The following NUMA1 variants were observed in gnomAD, a reference collection of about 807,000 sequenced individuals.
The protein encoded by NUMA1 is SP-H antigen.
Under a neutral mutation model 237.1 loss-of-function variants are expected in NUMA1, and 62 were observed. The observed-to-expected ratio is 0.26, with a 90% CI of 0.21 to 0.32. The LOEUF is 0.32. Ranked by LOEUF, NUMA1 falls within the 10% of genes least tolerant of loss-of-function variation. The pLI is 1.00. For synonymous variants in NUMA1, 1,028 were observed against 1,066.1 expected (o/e 0.96, Z 0.70); for missense variants, 2,533 against 2,666.5 (o/e 0.95, Z 1.10).
chr11:72,038,664 C>T (rs1941320523), intron 2 of NUMA1, among the ~76,000 whole-genome samples: 1 of 151,976 alleles, frequency 6.6e-6, no homozygotes, highest in Non-Finnish European at 1.5e-5. Flanking sequence ...AAATCTGAGG[C>T]AGGCCCCACC....
At chr11:72,035,388 C>T (rs1382319172) in intron 3 of NUMA1, among the ~76,000 whole-genome samples, 1 of 151,010 alleles carries the variant, frequency 6.6e-6, no homozygotes, top group Non-Finnish European at 1.5e-5. Context: ...TCATTAAGGT[C>T]AGCATTTACC....
At chr11:72,052,720 T>C (rs1309172949) in intron 2 of NUMA1, among the ~76,000 whole-genome samples, 1 of 151,732 alleles carries the variant, frequency 6.6e-6, no homozygotes, top group African/African-American at 2.4e-5. Flanking sequence ...GCCGAGATCA[T>C]GCCACTGCAC....
intron 1 of NUMA1, among the ~76,000 whole-genome samples, chr11:72,079,646 C>A (rs1943951761): frequency 1.3e-5 from 2 of 151,748 alleles, no homozygotes. Flanking sequence ...AATCTTCACA[C>A]AGTCACACCA....
In NUMA1 at chr11:72,015,126, T is replaced by A. The variant is rs748505480; in HGVS notation, c.2377A>T (p.Met793Leu). Residue 793 changes from methionine (M) to leucine (L), a missense_variant, in exon 15 of 27, where the codon ATG becomes TTG. By Grantham distance (15) the Met-to-Leu change is conservative (BLOSUM62 2). This residue lies in a region of NUMA1 where 1,414 missense variants were observed against 1,508.1 expected (regional missense o/e 0.94). Coordinates refer to ENST00000393695, the MANE Select transcript of NUMA1 (RefSeq NM_006185.4). The surrounding 1 kb of genome is among the most constrained non-coding windows in gnomAD (Gnocchi z 4.0). ...EVLRRELAEAMAAQHTAESEC... is the reference protein window; with the variant it reads ...EVLRRELAEALAAQHTAESEC... ...CTCTCAGCTGTGTGCTGGGCAGCCA[T>A]GGCCTCTGCCAGCTCCCGCCGCAGG... 6.2e-7 allele frequency: 1 copy of A among 1,613,402 alleles called. No individual in the cohort carries two copies. The highest frequency in any genetic ancestry group is 1.3e-5 in the African/African-American group (1 of 74,956).
At chr11:72,039,027 A>T (rs1941368389) in intron 2 of NUMA1, among the ~76,000 whole-genome samples, 1 of 152,182 alleles carries the variant, frequency 6.6e-6, no homozygotes, top group African/African-American at 2.4e-5. Flanking sequence ...TCCCAAACTG[A>T]CACAATGCAG....
In NUMA1 at chr11:72,018,392, G is replaced by C; in HGVS notation, c.860+4C>G. On this transcript the variant is annotated splice_donor_region_variant and intron_variant, in intron 11 of 26. Transcript: ENST00000393695. ...CCTGGGAAGGAATGCAGGGAGAGCT[G>C]TACCTCTCATTCTTGTCACGCAGCT... 1.2e-6 allele frequency: 2 copies of C among 1,605,476 alleles called. No individual in the cohort carries two copies. Among genetic ancestry groups the C allele is most frequent in the Non-Finnish European group, 1.7e-6 (2 of 1,172,118 alleles).
intron 16 of NUMA1, 36 bp from the exon 17 acceptor site, chr11:72,010,890 G>T: frequency 6.3e-7 from 1 of 1,576,236 alleles, no homozygotes; most frequent in Middle Eastern, 1.7e-4. Context: ...GACTCAGGAG[G>T]ACTTCCCCTG....
intron 2 of NUMA1, among the ~76,000 whole-genome samples, chr11:72,058,885 G>A (rs529964451): frequency 6.6e-6 from 1 of 152,300 alleles, no homozygotes; most frequent in South Asian, 2.1e-4. Context: ...AGCACAGCTA[G>A]CTACCTTGTC....
chr11:72,003,814 A>C, intron 26 of NUMA1, 73 bp downstream of exon 26: 4 of 1,488,598 alleles, frequency 2.7e-6, no homozygotes, highest in Non-Finnish European at 3.7e-6. Flanking sequence ...CTTGGATGCT[A>C]CTTGGTGGGG....
intron 23 of NUMA1, 34 bp from the exon 24 acceptor site, chr11:72,004,850 A>G: frequency 2.6e-6 from 4 of 1,524,820 alleles, no homozygotes; most frequent in Non-Finnish European, 3.5e-6. Context: ...AGTGGACCAT[A>G]GCTGTATGGA....
chr11:72,025,575 C>G lies in NUMA1; in HGVS notation c.129-1222G>C, dbSNP rs116938588. On this transcript the variant is annotated intron_variant, in intron 4 of 26. Transcript: ENST00000393695. Reference sequence around the variant, plus strand: ...CCACTTCAAGTTAGAAAGCTGAATTCTCTAGGCTACAGTGGGAGATCCTGA... The same window carrying G: ...CCACTTCAAGTTAGAAAGCTGAATTGTCTAGGCTACAGTGGGAGATCCTGA... Among the ~76,000 whole-genome samples, 54 of 152,284 alleles carry G rather than the reference C, an allele frequency of 3.5e-4. No homozygotes were observed. The East Asian group carries it at 7.5e-3, about 21-fold the overall frequency.
chr11:72,044,070 C>T (rs924516234), intron 2 of NUMA1, among the ~76,000 whole-genome samples: 3 of 152,108 alleles, frequency 2.0e-5, no homozygotes, highest in Admixed American at 6.6e-5. Flanking sequence ...TTAAAAACTC[C>T]CTTAATGAAG....
rs942160406 is a variant in NUMA1 at position 72,029,305 on chromosome 11, G to C, written c.43-15C>G. 7 of 1,576,024 alleles carry C rather than the reference G, an allele frequency of 4.4e-6. No homozygotes were observed. The highest frequency in any genetic ancestry group is 2.3e-5 in the East Asian group (1 of 44,362). On this transcript the variant is annotated splice_polypyrimidine_tract_variant and intron_variant, in intron 3 of 26. Coordinates refer to ENST00000393695, the MANE Select transcript of NUMA1 (RefSeq NM_006185.4). The stretch of plus-strand genomic sequence containing the variant: ...AGACTGTTCACCTGTAAATCAAAGG[G>C]AACAGCCTAGTGAGACCGTTAGAAG...
rs764200586 is a variant in NUMA1 at position 72,014,364 on chromosome 11, T to C, written c.3139A>G (p.Thr1047Ala). ...ALNEQRVEFA[T>A]LQEALAHALT... ...GCATGAGCCAGTGCCTCTTGCAGGG[T>C]AGCGAACTCCACACGCTGCTCGTTG... Residue 1047 changes from threonine (T) to alanine (A), a missense_variant, in exon 15 of 27, where the codon ACC becomes GCC. Around this residue, in one of 3 missense-constraint regions of NUMA1, gnomAD observed 1,414 missense variants for 1,508.1 expected, o/e 0.94. Transcript: ENST00000393695. The surrounding 1 kb of genome is among the most constrained non-coding windows in gnomAD (Gnocchi z 4.6). The C allele has an allele frequency of 3.1e-6, 5 of 1,613,384 alleles. No homozygotes were observed. The highest frequency in any genetic ancestry group is 4.2e-6 in the Non-Finnish European group (5 of 1,180,030).
Position 72,018,809 on chromosome 11 carries a change from TGCCA to T in NUMA1, c.742+10_742+13del, listed in dbSNP as rs1241074219. Reference sequence around the variant, plus strand: ...AAGTCTATTCACACATCTGCCAGTGTGCCAGCCACCTACCCTTCTCGGTGAGGAG... The same window carrying T: ...AAGTCTATTCACACATCTGCCAGTGTGCCACCTACCCTTCTCGGTGAGGAG... On this transcript the variant is annotated intron_variant, in intron 10 of 26. Coordinates refer to ENST00000393695, the MANE Select transcript of NUMA1 (RefSeq NM_006185.4). The T allele has an allele frequency of 6.2e-7, 1 of 1,603,962 alleles. No individual in the cohort carries two copies. Among genetic ancestry groups the T allele is most frequent in the Non-Finnish European group, 8.5e-7 (1 of 1,178,326 alleles).
In NUMA1 at chr11:72,004,694, C is replaced by A. The variant is rs770671902; in HGVS notation, c.5952G>T (p.Arg1984=). 5 of 1,613,574 alleles carry A rather than the reference C, an allele frequency of 3.1e-6. 1 individual carries two copies. The Admixed American group carries it at 8.3e-5, about 27-fold the overall frequency. The change falls in exon 24 of 27, where the codon CGG becomes CGT. Residue 1984 remains arginine (R), a synonymous_variant. Coordinates refer to ENST00000393695, the MANE Select transcript of NUMA1 (RefSeq NM_006185.4). ...QIAEGTGITT[R]QQRKRVSLEP... is the part of the protein sequence containing the mutation. ...CTAGGGAGACCCGTTTGCGCTGCTG[C>A]CGGGTGGTGATGCCAGTGCCCTCGG...
rs779075386 is a variant in NUMA1, at chr11:72,018,312, G to C, written c.861-12C>G. The C allele has an allele frequency of 1.2e-6, 2 of 1,612,274 alleles. No individual in the cohort carries two copies. The highest frequency in any genetic ancestry group is 1.7e-6 in the Non-Finnish European group (2 of 1,178,386). On this transcript the variant is annotated splice_polypyrimidine_tract_variant and intron_variant, in intron 11 of 26. Coordinates refer to ENST00000393695, the MANE Select transcript of NUMA1 (RefSeq NM_006185.4). ...GCCGCATGGTAAGGCTGCGAGGGAG[G>C]GAAGCAGTGAGAAGAGAGTATGGGT...
At chr11:72,010,747 C>G (rs1555007322) in intron 17 of NUMA1, 39 bp downstream of exon 17, 2 of 1,602,488 alleles carry the variant, frequency 1.2e-6, no homozygotes, top group South Asian at 1.1e-5. Context: ...GCTTCCCTCC[C>G]TTGTCCAGAG....
chr11:72,025,557 A>G (rs1406003806), intron 4 of NUMA1, among the ~76,000 whole-genome samples: 1 of 152,190 alleles, frequency 6.6e-6, no homozygotes, highest in Non-Finnish European at 1.5e-5. Context: ...ATACCACTTC[A>G]AGTTAGAAAG....
Sources: allele counts gnomAD v4.1 joint callset (sites outside exome capture counted in the v4.1 genomes callset), GRCh38; gene constraint gnomAD v4.1.1; regional missense constraint gnomAD v4.1.1; non-coding constraint Gnocchi (gnomAD v3.1); transcripts MANE v1.5; gene names NCBI Gene and HGNC (gene_info 2026-07-23, HGNC 2026-07-21).